SLC22A6: variants seen among roughly 807,000 people sequenced by gnomAD.
SLC22A6 encodes the protein solute carrier family 22 member 6, also known as PAH transporter.
Under a neutral mutation model 56.7 loss-of-function variants are expected in SLC22A6, and 45 were observed. That is an observed-to-expected ratio of 0.79 (90% CI 0.63 to 1.02). SLC22A6 has a LOEUF of 1.02. SLC22A6 is among the 50% of genes least tolerant of loss of function. The pLI is 0.00. For missense variants in SLC22A6, 606 were observed against 713.8 expected (o/e 0.85, Z 1.72); for synonymous variants, 291 against 295.9 (o/e 0.98, Z 0.17).
chr11:62,984,156 A>T, intron 1 of SLC22A6, 109 bp from the exon 2 acceptor site: 4 of 1,191,662 alleles, frequency 3.4e-6, no homozygotes, highest in Non-Finnish European at 4.7e-6. Flanking sequence ...TTCCTCCGGC[A>T]CTTTGCCCTT....
intron 3 of SLC22A6, among the ~76,000 whole-genome samples, chr11:62,982,982 A>G (rs1010435103): frequency 6.6e-6 from 1 of 151,706 alleles, no homozygotes; most frequent in African/African-American, 2.4e-5. Context: ...ACCATTCCCT[A>G]ATGCCTCCTG....
rs1447566135 is a variant in SLC22A6, at chr11:62,976,841, A to G, written c.1606T>C (p.Tyr536His). 3.1e-6 allele frequency: 5 copies of G among 1,613,932 alleles called. No homozygotes were observed. Among genetic ancestry groups the G allele is most frequent in the Non-Finnish European group, 3.4e-6 (4 of 1,179,976 alleles). The part of the protein sequence containing the change: ...QTRQQQEHQK[Y>H]MVPLQASAQE... ...GCTGAGGCCTGCAGTGGGACCATAT[A>G]CTTCTGGTGCTCTTGTTGCTGTCGC... Residue 536 changes from tyrosine to histidine, a missense_variant, in exon 10 of 10, where the codon TAT (tyrosine) becomes CAT (histidine). Physicochemically the swap from Tyr to His is moderately conservative, Grantham distance 83. Coordinates refer to ENST00000360421, the MANE Select transcript of SLC22A6 (RefSeq NM_153276.3).
chr11:62,980,477 A>G lies in SLC22A6; in HGVS notation c.1037+508T>C, dbSNP rs536992404. ...ATTGGCAGGATTGTTCCTTCTGACT[A>G]TGTTTCCCTTAACTGTCATGGGATT... On this transcript the variant is annotated intron_variant, in intron 6 of 9. Coordinates refer to ENST00000360421, the MANE Select transcript of SLC22A6 (RefSeq NM_153276.3). 5.9e-5 allele frequency among the ~76,000 whole-genome samples: 9 copies of G among 152,366 alleles called. No individual in the cohort carries two copies. In the East Asian group the frequency reaches 9.6e-4, roughly 16 times the overall value.
intron 7 of SLC22A6, 22 bp from the exon 8 acceptor site, chr11:62,979,618 T>G: frequency 1.2e-6 from 2 of 1,603,404 alleles, no homozygotes; most frequent in Non-Finnish European, 1.7e-6. Context: ...GAAGGGGGGA[T>G]AGCAGGAGCT....
intron 8 of SLC22A6, among the ~76,000 whole-genome samples, chr11:62,978,780 C>T (rs1473508939): frequency 3.9e-5 from 6 of 151,914 alleles, no homozygotes; most frequent in Admixed American, 6.6e-5. Context: ...TTAGTAGAGA[C>T]GGGGTTTCAC....
chr11:62,976,600 T>C lies in SLC22A6; in HGVS notation c.*194A>G. 1 of 516,426 alleles carries C rather than the reference T, an allele frequency of 1.9e-6. No individual in the cohort carries two copies. The highest frequency in any genetic ancestry group is 3.5e-6 in the Non-Finnish European group (1 of 288,278). 32.0% of individuals were successfully genotyped at this position (516,426 alleles called of 1,614,324 possible). A position where few individuals can be genotyped will look rare whatever the true frequency, so the allele number is the denominator to read the frequency against. On this transcript the variant is annotated 3_prime_UTR_variant, in exon 10 of 10. Coordinates refer to ENST00000360421, the MANE Select transcript of SLC22A6 (RefSeq NM_153276.3). ...AGACAAGAGAGACACAGAGAGATGG[T>C]GCGCAGTCAAACCTTTTAATGATGT... is the stretch of plus-strand genomic sequence containing the variant.
rs1055044962 is a variant in SLC22A6, at chr11:62,980,030, A to T, written c.1038-82T>A. On this transcript the variant is annotated intron_variant, in intron 6 of 9. Transcript: ENST00000360421. ...TCTTTCAAAACAGTGGGGGAACTGC[A>T]TTGGGTACCCTGCTTAAGGAGCTGG... The T allele has an allele frequency of 1.2e-5, 11 of 931,830 alleles. No individual in the cohort carries two copies. The African/African-American group carries it at 1.5e-4, about 12-fold the overall frequency. The allele number at this position is 931,830 out of a possible 1,614,324, so 57.7% of individuals were successfully genotyped here.
chr11:62,978,493 G>A (rs144244954), intron 8 of SLC22A6, among the ~76,000 whole-genome samples: 9,894 of 151,396 alleles, frequency 0.065, 1,085 homozygotes, highest in African/African-American at 0.23. Flanking sequence ...GACTACAGGT[G>A]TGTGCCACTA....
intron 4 of SLC22A6, 99 bp downstream of exon 4, chr11:62,981,743 T>G: frequency 4.8e-6 from 6 of 1,240,852 alleles, no homozygotes; most frequent in South Asian, 1.6e-5. Flanking sequence ...CTTCTCTACA[T>G]TTGTGGGATG....
rs1461168323 is a variant in SLC22A6 at position 62,983,673 on chromosome 11, T to A, written c.492A>T (p.Val164=). ...YLADRLGRRK[V]LILNYLQTAV... The stretch of plus-strand genomic sequence containing the variant: ...CTGTCTGCAGGTAGTTCAAGATGAG[T>A]ACCTTCCGGCGGCCTAGCCTGTGGG... Residue 164 remains valine, a synonymous_variant, in exon 3 of 10, where the codon GTA becomes GTT. Coordinates refer to ENST00000360421, the MANE Select transcript of SLC22A6 (RefSeq NM_153276.3). This position sits in a 1 kb window ranked among gnomAD's most constrained non-coding sequence, Gnocchi z 4.5. 6.2e-7 allele frequency: 1 copy of A among 1,611,146 alleles called. No homozygotes were observed. Among genetic ancestry groups the A allele is most frequent in the Non-Finnish European group, 8.5e-7 (1 of 1,178,936 alleles).
intron 9 of SLC22A6, 23 bp from the exon 10 acceptor site, chr11:62,976,904 CA>C (rs2086195182): frequency 1.9e-6 from 3 of 1,612,136 alleles, no homozygotes; most frequent in Non-Finnish European, 2.5e-6. Context: ...AGAAGAATGG[CA>C]CTCTGGGTAT....
Position 62,983,645 on chromosome 11 carries a change from C to G in SLC22A6, c.520G>C (p.Val174Leu). ...VLILNYLQTAVSGTCAAFAPN... is the reference protein window; with the variant it reads ...VLILNYLQTALSGTCAAFAPN... ...GCGAAGGCTGCGCAGGTCCCTGACA[C>G]AGCTGTCTGCAGGTAGTTCAAGATG... is the stretch of plus-strand genomic sequence containing the variant. Residue 174 changes from valine to leucine, a missense_variant, in exon 3 of 10, where the codon GTG becomes CTG. Transcript: ENST00000360421. This position sits in a 1 kb window ranked among gnomAD's most constrained non-coding sequence, Gnocchi z 4.5. 6.2e-7 allele frequency: 1 copy of G among 1,612,540 alleles called. No individual in the cohort carries two copies. Among genetic ancestry groups the G allele is most frequent in the South Asian group, 1.1e-5 (1 of 90,560 alleles).
chr11:62,979,887 T>G lies in SLC22A6; in HGVS notation c.1099A>C (p.Ile367Leu), dbSNP rs770039912. The stretch of plus-strand genomic sequence containing the variant: ...CCAAAGATCACCTGGATTAGGTAGA[T>G]GCTGACTCCAAAGCCCTGCAGGTCC... ...VMDLQGFGVS[I>L]YLIQVIFGAV... is the part of the protein sequence containing the mutation. The change falls in exon 7 of 10, where the codon ATC (isoleucine) becomes CTC (leucine). Residue 367 changes from isoleucine (I) to leucine (L), a missense_variant. Coordinates refer to ENST00000360421, the MANE Select transcript of SLC22A6 (RefSeq NM_153276.3). 1.9e-5 allele frequency: 30 copies of G among 1,614,184 alleles called. No homozygotes were observed. Among genetic ancestry groups the G allele is most frequent in the Non-Finnish European group, 2.4e-5 (28 of 1,180,016 alleles).
chr11:62,978,409 G>A (rs1292871920), intron 8 of SLC22A6, among the ~76,000 whole-genome samples: 1 of 150,466 alleles, frequency 6.6e-6, no homozygotes, highest in Non-Finnish European at 1.5e-5. Flanking sequence ...GTGCAGTGGC[G>A]CGATGTCAGC....
Position 62,981,904 on chromosome 11 carries a change from G to A in SLC22A6, c.735C>T (p.Pro245=), listed in dbSNP as rs766802235. The stretch of plus-strand genomic sequence containing the variant: ...CCAGTAGCTGCAGGTGGCGCCAGTG[G>A]GGCACAGCGTAGGCCACACCAGCCA... The part of the protein sequence containing the change: ...FLLAGVAYAV[P]HWRHLQLLVS... The change falls in exon 4 of 10, where the codon CCC becomes CCT. Residue 245 remains proline, a synonymous_variant. Transcript: ENST00000360421. The A allele has an allele frequency of 3.7e-6, 6 of 1,613,972 alleles. No individual in the cohort carries two copies. Among genetic ancestry groups the A allele is most frequent in the Non-Finnish European group, 5.1e-6 (6 of 1,180,002 alleles).
At chr11:62,976,974 G>A (rs1000989446) in intron 9 of SLC22A6, 93 bp from the exon 10 acceptor site, 7 of 1,512,946 alleles carry the variant, frequency 4.6e-6, no homozygotes, top group African/African-American at 1.4e-5. Context: ...GCTCAGCTAT[G>A]CCTGGACACC....
Position 62,982,326 on chromosome 11 carries a change from A to G in SLC22A6, c.629-316T>C, listed in dbSNP as rs549188762. Among the ~76,000 whole-genome samples, 34 of 152,160 alleles carry G rather than the reference A, an allele frequency of 2.2e-4. 1 individual carries two copies. The South Asian group carries it at 6.4e-3, about 29-fold the overall frequency. On this transcript the variant is annotated intron_variant, in intron 3 of 9. Coordinates refer to ENST00000360421, the MANE Select transcript of SLC22A6 (RefSeq NM_153276.3). ...GCCACTTGGTCTGTCTTCAGCAGCAACCATTCCTCTGGTCTTCCTCAGCTA... is the reference window on the plus strand; with the variant it reads ...GCCACTTGGTCTGTCTTCAGCAGCAGCCATTCCTCTGGTCTTCCTCAGCTA...
rs766774811 is a variant in SLC22A6, at chr11:62,979,529, G to A, written c.1320C>T (p.Cys440=). The stretch of plus-strand genomic sequence containing the variant: ...ACAGTTCCCCAGTATACAGGAAGAT[G>A]CAGTTGAAGGAGGCAGCCAGACAAC... ...GKGCLAASFN[C]IFLYTGELYP... The change falls in exon 8 of 10, where the codon TGC becomes TGT. Residue 440 remains cysteine (C), a synonymous_variant. Coordinates refer to ENST00000360421, the MANE Select transcript of SLC22A6 (RefSeq NM_153276.3). 1.2e-6 allele frequency: 2 copies of A among 1,613,970 alleles called. No individual in the cohort carries two copies. The highest frequency in any genetic ancestry group is 4.5e-5 in the East Asian group (2 of 44,892).
At chr11:62,980,959 C>T in intron 6 of SLC22A6, 26 bp downstream of exon 6, 1 of 1,563,604 alleles carries the variant, frequency 6.4e-7, no homozygotes, top group South Asian at 1.2e-5. Flanking sequence ...CCTTTTGTCT[C>T]AGTCTGTCTG....
Sources: allele counts gnomAD v4.1 joint callset (sites outside exome capture counted in the v4.1 genomes callset), GRCh38; gene constraint gnomAD v4.1.1; non-coding constraint Gnocchi (gnomAD v3.1); transcripts MANE v1.5; gene names NCBI Gene and HGNC (gene_info 2026-07-23, HGNC 2026-07-21).